The following OR6K3 variants were observed in gnomAD, a reference collection of about 807,000 sequenced individuals.
OR6K3 encodes olfactory receptor family 6 subfamily K member 3.
For synonymous variants in OR6K3, 169 were observed against 137.7 expected (o/e 1.23, Z -1.59); for missense variants, 396 against 382.5 (o/e 1.04, Z -0.29).
chr1:158,721,697 GT>G (rs993467642), upstream of OR6K3, among the ~76,000 whole-genome samples: 1,805 of 150,522 alleles, frequency 0.012, 27 homozygotes, highest in African/African-American at 0.042. Flanking sequence ...CCTCTGTTTT[GT>G]TTTTTTTCTA....
At position 158,718,038 on chromosome 1, in the gene OR6K3, C is replaced by A; in HGVS notation, c.78G>T (p.Leu26=). The change falls in exon 2 of 2, where the codon CTG becomes CTT. Residue 26 remains leucine (L), a synonymous_variant. Coordinates refer to ENST00000368145, the MANE Select transcript of OR6K3 (RefSeq NM_001005327.3). ...AGATGAAAAGTAAAGGAAAGAAGTACAGGAGACTACCATCCTGAAGCTGAG... is the reference window on the plus strand; with the variant it reads ...AGATGAAAAGTAAAGGAAAGAAGTAAAGGAGACTACCATCCTGAAGCTGAG... ...GFPQLQDGSL[L]YFFPLLFIYT... The A allele has an allele frequency of 6.2e-7, 1 of 1,612,868 alleles. No homozygotes were observed.
At position 158,720,706 on chromosome 1, in the gene OR6K3, C is replaced by A. The variant is rs561229029; in HGVS notation, c.-41G>T. Reference sequence around the variant, plus strand: ...ACCTTTGCCAAAAACACAGGGACTCCTCAGTCTGCCTGGGTCACTGCATCC... The same window carrying A: ...ACCTTTGCCAAAAACACAGGGACTCATCAGTCTGCCTGGGTCACTGCATCC... On this transcript the variant is annotated 5_prime_UTR_variant, in exon 1 of 2. The change creates a new upstream start codon in the 5' untranslated region. Transcript: ENST00000368145. 1.3e-5 allele frequency: 2 copies of A among 152,132 alleles called. No homozygotes were observed. The highest frequency in any genetic ancestry group is 2.4e-5 in the African/African-American group (1 of 41,544). 9.4% of individuals were successfully genotyped at this position (152,132 alleles called of 1,614,324 possible). A position where few individuals can be genotyped will look rare whatever the true frequency, so the allele number is the denominator to read the frequency against.
upstream of OR6K3, among the ~76,000 whole-genome samples, chr1:158,722,226 A>C (rs960747095): frequency 3.3e-5 from 5 of 152,032 alleles, no homozygotes; most frequent in Admixed American, 6.6e-5. Context: ...GAAGGAGAGA[A>C]TATATTTGGA....
At chr1:158,719,952 T>G (rs1451433926) in intron 1 of OR6K3, among the ~76,000 whole-genome samples, 2 of 152,004 alleles carry the variant, frequency 1.3e-5, no homozygotes, top group Non-Finnish European at 2.9e-5. Flanking sequence ...GGAGAAAACT[T>G]AGGCACAGAC....
At chr1:158,719,470 C>G (rs1000098347) in intron 1 of OR6K3, among the ~76,000 whole-genome samples, 4 of 152,066 alleles carry the variant, frequency 2.6e-5, no homozygotes, top group Non-Finnish European at 4.4e-5. Flanking sequence ...TGCTAACATT[C>G]TCCGACTCCT....
chr1:158,723,227 G>GTCTATCTC (rs1656319296), upstream of OR6K3, among the ~76,000 whole-genome samples: 1 of 150,216 alleles, frequency 6.7e-6, no homozygotes, highest in Non-Finnish European at 1.5e-5. Flanking sequence ...TTACCTATCT[G>GTCTATCTC]TCTATCTATC....
At chr1:158,722,079 C>G (rs573353236), upstream of OR6K3, among the ~76,000 whole-genome samples, 3 of 151,992 alleles carry the variant, frequency 2.0e-5, no homozygotes, top group Admixed American at 1.3e-4. Flanking sequence ...CTCTCTCTCT[C>G]TTTAACTGTA....
intron 1 of OR6K3, among the ~76,000 whole-genome samples, chr1:158,718,399 A>C (rs1656219706): frequency 6.6e-6 from 1 of 151,268 alleles, no homozygotes. Flanking sequence ...CTTATTCCTC[A>C]AAGTTGCTTA....
In OR6K3 at chr1:158,717,805, A is replaced by G. The variant is rs1258829232; in HGVS notation, c.311T>C (p.Phe104Ser). 5 of 1,613,724 alleles carry G rather than the reference A, an allele frequency of 3.1e-6. No individual in the cohort carries two copies. The highest frequency in any genetic ancestry group is 1.7e-5 in the Admixed American group (1 of 59,962). The change falls in exon 2 of 2, where the codon TTC becomes TCC. Residue 104 changes from phenylalanine to serine, a missense_variant. By Grantham distance (155) the Phe-to-Ser change is radical (BLOSUM62 -2). Transcript: ENST00000368145. ...MTGCILQMYF[F>S]HSLENSEGIL... ...CCCCTCTGAGTTTTCAAGTGAGTGGAAGAAATACATCTGCAAGATGCAGCC... is the reference window on the plus strand; with the variant it reads ...CCCCTCTGAGTTTTCAAGTGAGTGGGAGAAATACATCTGCAAGATGCAGCC...
At chr1:158,719,430 A>G (rs541527808) in intron 1 of OR6K3, among the ~76,000 whole-genome samples, 2 of 152,032 alleles carry the variant, frequency 1.3e-5, no homozygotes, top group African/African-American at 4.8e-5. Context: ...CACACCAACT[A>G]TCTGACTCTT....
chr1:158,722,814 T>A (rs1179124680), upstream of OR6K3, among the ~76,000 whole-genome samples: 1 of 152,078 alleles, frequency 6.6e-6, no homozygotes, highest in Non-Finnish European at 1.5e-5. Context: ...ATATTTTTGT[T>A]CATTCCTGGA....
In OR6K3 at chr1:158,717,320, GA is replaced by G. The variant is rs1178958072; in HGVS notation, c.795del (p.Pro266HisfsTer10). The G allele has an allele frequency of 6.2e-7, 1 of 1,613,766 alleles. No homozygotes were observed. Among genetic ancestry groups the G allele is most frequent in the East Asian group, 2.2e-5 (1 of 44,850 alleles). ...GCAATGGCTGTGTCCAAAACTGGTG[GA>G]TAAGTGTCGCTGAAACGCAAGTACA... ...SLMYLRFSDT[Y>X]PPVLDTAIAL... is the part of the protein sequence containing the mutation. On this transcript the variant is annotated frameshift_variant, in exon 2 of 2. Coordinates refer to ENST00000368145, the MANE Select transcript of OR6K3 (RefSeq NM_001005327.3). LOFTEE classifies it low-confidence loss of function (END_TRUNC).
At chr1:158,720,960 G>A (rs1463845654), upstream of OR6K3, among the ~76,000 whole-genome samples, 1 of 151,820 alleles carries the variant, frequency 6.6e-6, no homozygotes, top group Non-Finnish European at 1.5e-5. Flanking sequence ...TTTCCTGATT[G>A]TACTCATCTT....
chr1:158,718,763 A>T (rs891097890), intron 1 of OR6K3, among the ~76,000 whole-genome samples: 1 of 152,040 alleles, frequency 6.6e-6, no homozygotes, highest in Non-Finnish European at 1.5e-5. Context: ...GTCTATTGTT[A>T]CCTATATGTC....
At chr1:158,724,646 C>T (rs539795048), upstream of OR6K3, 4 of 230,354 alleles carry the variant, frequency 1.7e-5, no homozygotes, top group Non-Finnish European at 2.9e-5. Context: ...ACACAGAGCC[C>T]GGGGGTCATG....
At chr1:158,719,474 G>C (rs1352043031) in intron 1 of OR6K3, among the ~76,000 whole-genome samples, 1 of 151,738 alleles carries the variant, frequency 6.6e-6, no homozygotes, top group East Asian at 1.9e-4. Flanking sequence ...AACATTCTCC[G>C]ACTCCTCTCT....
intron 1 of OR6K3, 22 bp from the exon 2 acceptor site, chr1:158,718,154 TC>T: frequency 7.9e-7 from 1 of 1,270,726 alleles, no homozygotes; most frequent in Non-Finnish European, 1.1e-6. Context: ...GAGGGCATAG[TC>T]CAGCACATGA....
chr1:158,720,360 A>C (rs1339032932), intron 1 of OR6K3, among the ~76,000 whole-genome samples: 1 of 152,016 alleles, frequency 6.6e-6, no homozygotes, highest in Admixed American at 6.6e-5. Context: ...CAAGACAGCC[A>C]TGAGTAAGTG....
In OR6K3 at chr1:158,718,072, G is replaced by T. The variant is rs147785652; in HGVS notation, c.44C>A (p.Thr15Asn). The change falls in exon 2 of 2, where the codon ACT becomes AAT. Residue 15 changes from threonine (T) to asparagine (N), a missense_variant. Coordinates refer to ENST00000368145, the MANE Select transcript of OR6K3 (RefSeq NM_001005327.3). ...ACCATCCTGAAGCTGAGGGAATCCA[G>T]TGAAGATAAATTCAGTCACTGTTGA... ...NQSTVTEFIFTGFPQLQDGSL... is the reference protein window; with the variant it reads ...NQSTVTEFIFNGFPQLQDGSL... The T allele has an allele frequency of 4.5e-5, 73 of 1,612,914 alleles. No homozygotes were observed. The highest frequency in any genetic ancestry group is 3.4e-4 in the East Asian group (15 of 44,690).
Sources: allele counts gnomAD v4.1 joint callset (sites outside exome capture counted in the v4.1 genomes callset), GRCh38; gene constraint gnomAD v4.1.1; transcripts MANE v1.5; gene names NCBI Gene and HGNC (gene_info 2026-07-23, HGNC 2026-07-21).